The following AASDH variants were observed in gnomAD, a reference collection of about 807,000 sequenced individuals.
AASDH encodes beta-alanine-activating enzyme.
AASDH carries 81 observed loss-of-function variants against 102.3 expected under a neutral mutation model. The observed-to-expected ratio is 0.79, with a 90% CI of 0.66 to 0.95. The LOEUF is 0.95. AASDH is among the 40% of genes least tolerant of loss of function. The probability of loss-of-function intolerance (pLI) is 0.00; values close to 1 mark genes in which losing one functional copy is unlikely to be tolerated. For missense variants in AASDH, 1,203 were observed against 1,266.2 expected (o/e 0.95, Z 0.76); for synonymous variants, 398 against 454.0 (o/e 0.88, Z 1.57).
rs1433993921 is a variant in AASDH, at chr4:56,378,446, CATG to C, written c.367_369del (p.His123del). 6.3e-7 allele frequency: 1 copy of C among 1,596,450 alleles called. No homozygotes were observed. The highest frequency in any genetic ancestry group is 1.2e-5 in the South Asian group (1 of 86,884). ...AATGTATCATAGTTCAATAATGTTT[CATG>C]AAAAGATTTAAATTTCTGTGTGAAA... On this transcript the variant is annotated inframe_deletion, in exon 4 of 15. Transcript: ENST00000205214.
intron 4 of AASDH, among the ~76,000 whole-genome samples, chr4:56,376,617 A>G (rs1433881485): frequency 6.6e-6 from 1 of 152,166 alleles, no homozygotes; most frequent in Non-Finnish European, 1.5e-5. Context: ...CACTAAGAAT[A>G]TGGCTAGTCC....
chr4:56,356,656 A>C, intron 5 of AASDH: 1 of 687,228 alleles, frequency 1.5e-6, no homozygotes, highest in East Asian at 2.6e-5. Flanking sequence ...CCTGTGTCAT[A>C]AAATGGGGGT....
At chr4:56,385,427 T>A (rs1445481213) in intron 1 of AASDH, among the ~76,000 whole-genome samples, 1 of 152,166 alleles carries the variant, frequency 6.6e-6, no homozygotes, top group African/African-American at 2.4e-5. Context: ...GGTTTCTTAA[T>A]GCAGATTATA....
intron 1 of AASDH, among the ~76,000 whole-genome samples, chr4:56,384,678 C>A (rs1753351244): frequency 1.3e-5 from 2 of 151,726 alleles, no homozygotes; most frequent in South Asian, 2.1e-4. Context: ...TCAATAAAAT[C>A]AAATTTAAAG....
chr4:56,364,677 T>G (rs1056451064), intron 5 of AASDH, among the ~76,000 whole-genome samples: 1 of 152,170 alleles, frequency 6.6e-6, no homozygotes, highest in African/African-American at 2.4e-5. Context: ...CTGAGAGATT[T>G]TGTCACCACC....
chr4:56,351,214 T>C (rs1256153243), intron 10 of AASDH, 128 bp downstream of exon 10: 8 of 601,410 alleles, frequency 1.3e-5, no homozygotes, highest in Non-Finnish European at 2.3e-5. Context: ...AATGAAGATA[T>C]ACTACCTAAC....
intron 3 of AASDH, among the ~76,000 whole-genome samples, chr4:56,381,597 A>AC (rs59012413): frequency 5.4e-5 from 8 of 149,270 alleles, no homozygotes; most frequent in Admixed American, 4.7e-4. Flanking sequence ...AAAAAAAAAA[A>AC]CCCTTTGAGT....
intron 5 of AASDH, among the ~76,000 whole-genome samples, chr4:56,361,268 G>T (rs1349633646): frequency 6.6e-6 from 1 of 152,050 alleles, no homozygotes; most frequent in African/African-American, 2.4e-5. Context: ...AATTAGCAGG[G>T]TGTGGTGGCA....
At chr4:56,362,138 T>C (rs1750372737) in intron 5 of AASDH, among the ~76,000 whole-genome samples, 1 of 152,254 alleles carries the variant, frequency 6.6e-6, no homozygotes, top group African/African-American at 2.4e-5. Flanking sequence ...AAGAGGTCTT[T>C]AATTTCCTCC....
chr4:56,381,829 A>G (rs888423415), intron 3 of AASDH: 1 of 152,206 alleles, frequency 6.6e-6, no homozygotes, highest in African/African-American at 2.4e-5. Flanking sequence ...TAAATAAACA[A>G]TGAAGCATGG....
At chr4:56,373,673 G>T (rs575241349) in intron 4 of AASDH, among the ~76,000 whole-genome samples, 1 of 152,274 alleles carries the variant, frequency 6.6e-6, no homozygotes, top group Non-Finnish European at 1.5e-5. Context: ...AGTTTTAGAG[G>T]AAGTATTCTT....
Position 56,353,454 on chromosome 4 carries a change from G to A in AASDH, c.1526C>T (p.Ala509Val), listed in dbSNP as rs1470322614. Residue 509 changes from alanine to valine, a missense_variant, in exon 9 of 15, where the codon GCA becomes GTA. By Grantham distance (64) the Ala-to-Val change is moderately conservative. Transcript: ENST00000205214. Reference sequence around the variant, plus strand: ...GATCAATACAAGCTCATCCGGGACTGCATGACTTGGAAGATATTTCTGCAG... The same window carrying A: ...GATCAATACAAGCTCATCCGGGACTACATGACTTGGAAGATATTTCTGCAG... ...KELQKYLPSHAVPDELVLIDS... is the reference protein window; with the variant it reads ...KELQKYLPSHVVPDELVLIDS... 1.2e-6 allele frequency: 2 copies of A among 1,613,726 alleles called. No individual in the cohort carries two copies. Among genetic ancestry groups the A allele is most frequent in the East Asian group, 2.2e-5 (1 of 44,858 alleles).
intron 14 of AASDH, among the ~76,000 whole-genome samples, chr4:56,341,024 A>G (rs1747606411): frequency 6.6e-6 from 1 of 152,188 alleles, no homozygotes; most frequent in South Asian, 2.1e-4. Context: ...AAATGCTGGC[A>G]AGGATGTGGA....
In AASDH at chr4:56,342,961, A is replaced by G. The variant is rs1310303648; in HGVS notation, c.2781T>C (p.Thr927=). Residue 927 remains threonine, a synonymous_variant, in exon 14 of 15, where the codon ACT becomes ACC. Transcript: ENST00000205214. Reference sequence around the variant, plus strand: ...AGGAATGTTTCCAAATAACGTTCCCAGTAGCCTGTCACAGGAAAAAGCAAT... The same window carrying G: ...AGGAATGTTTCCAAATAACGTTCCCGGTAGCCTGTCACAGGAAAAAGCAAT... ...GGLLLAVNPA[T]GNVIWKHSCG... 6.3e-7 allele frequency: 1 copy of G among 1,578,514 alleles called. No homozygotes were observed.
chr4:56,353,943 G>T, intron 8 of AASDH, 96 bp downstream of exon 8: 1 of 1,135,028 alleles, frequency 8.8e-7, no homozygotes, highest in Non-Finnish European at 1.2e-6. Flanking sequence ...AAAAATGTCA[G>T]GTGTAAATAA....
chr4:56,354,929 A>G (rs1353032752), intron 6 of AASDH, 118 bp from the exon 7 acceptor site: 1 of 872,012 alleles, frequency 1.1e-6, no homozygotes, highest in Non-Finnish European at 1.7e-6. Context: ...GCTCTAATTC[A>G]AAGACTGACA....
intron 1 of AASDH, among the ~76,000 whole-genome samples, chr4:56,386,799 CAAAAAAAA>C (rs386400124): frequency 5.9e-4 from 29 of 48,826 alleles, no homozygotes; most frequent in Non-Finnish European, 9.1e-4. Flanking sequence ...GACTCCGTCT[CAAAAAAAA>C]AAAAAAAAAA....
Position 56,384,223 on chromosome 4 carries a change from T to C in AASDH, c.77A>G (p.Asn26Ser), listed in dbSNP as rs749303332. 3 of 1,614,160 alleles carry C rather than the reference T, an allele frequency of 1.9e-6. No individual in the cohort carries two copies. In the East Asian group the frequency reaches 6.7e-5, roughly 36 times the overall value. ...GGTGTAGTAAACTGGAAGCTGGTTG[T>C]TGCATTCATCAAAACATACAGCTAC... ...DRVAVCFDECNNQLPVYYTYK... is the reference protein window; with the variant it reads ...DRVAVCFDECSNQLPVYYTYK... Residue 26 changes from asparagine (N) to serine (S), a missense_variant, in exon 2 of 15, where the codon AAC becomes AGC. Coordinates refer to ENST00000205214, the MANE Select transcript of AASDH (RefSeq NM_181806.4).
In AASDH at chr4:56,350,850, A is replaced by G. The variant is rs192727873; in HGVS notation, c.1692+492T>C. On this transcript the variant is annotated intron_variant, in intron 10 of 14. Transcript: ENST00000205214. ...CATCCTCTTTTCAGAACCCTTTAAA[A>G]AAGAAAAATCTACATTTTATTTAAG... 1.5e-3 allele frequency among the ~76,000 whole-genome samples: 236 copies of G among 152,336 alleles called. 1 individual carries two copies. Among genetic ancestry groups the G allele is most frequent in the African/African-American group, 5.4e-3 (224 of 41,576 alleles).
Sources: allele counts gnomAD v4.1 joint callset (sites outside exome capture counted in the v4.1 genomes callset), GRCh38; gene constraint gnomAD v4.1.1; transcripts MANE v1.5; gene names NCBI Gene and HGNC (gene_info 2026-07-23, HGNC 2026-07-21).